Variants in FN1 observed in about 807,000 individuals in gnomAD.
FN1 encodes fibronectin.
A neutral mutation model predicts 297.3 loss-of-function variants in FN1; 106 were observed. The ratio of observed to expected loss-of-function variants is 0.36; its 90% CI spans 0.30 to 0.42. FN1 has a LOEUF of 0.42. FN1 is among the 10% of genes least tolerant of loss of function. The probability of loss-of-function intolerance (pLI) is 1.00; values close to 1 mark genes in which losing one functional copy is unlikely to be tolerated. For missense variants in FN1, 2,690 were observed against 3,124.9 expected, an observed-to-expected ratio of 0.86 and a Z score of 3.32; for synonymous variants, 1,149 against 1,152.6, an observed-to-expected ratio of 1.00 and a Z score of 0.06.
chr2:215,390,482 G>A lies in FN1; in HGVS notation c.4252+1150C>T, dbSNP rs1167927535. Among the ~76,000 whole-genome samples the A allele has an allele frequency of 4.6e-5, 7 of 152,164 alleles. No homozygotes were observed. In the East Asian group the frequency reaches 5.8e-4, roughly 13 times the overall value. On this transcript the variant is annotated intron_variant, in intron 26 of 45. Transcript: ENST00000354785. Reference sequence around the variant, plus strand: ...TTATACAGGCGAGAGCCACTGCACTGGTTTGCTTCATCTTTAAAAGAGGAT... The same window carrying A: ...TTATACAGGCGAGAGCCACTGCACTAGTTTGCTTCATCTTTAAAAGAGGAT...
Position 215,380,769 on chromosome 2 carries a change from CGCT to C in FN1, c.5434+39_5434+41del, listed in dbSNP as rs749472940. On this transcript the variant is annotated intron_variant, in intron 33 of 45. Transcript: ENST00000354785. ...TAATTCATTCAGTAGGGCATAAAGC[CGCT>C]GCTCCCATGGGCACCTGGTGGTGCA... 2.5e-6 allele frequency: 4 copies of C among 1,610,906 alleles called. No individual in the cohort carries two copies. The South Asian group carries it at 4.4e-5, about 18-fold the overall frequency.
At chr2:215,427,979 G>A (rs941598185) in intron 6 of FN1, among the ~76,000 whole-genome samples, 1 of 151,818 alleles carries the variant, frequency 6.6e-6, no homozygotes, top group African/African-American at 2.4e-5. Context: ...TTATTTGTAT[G>A]TCATTTTTCT....
chr2:215,435,879 G>T lies in FN1; in HGVS notation c.-77C>A. 7.5e-6 allele frequency: 11 copies of T among 1,464,770 alleles called. No homozygotes were observed. The highest frequency in any genetic ancestry group is 6.3e-6 in the Non-Finnish European group (7 of 1,107,978). The allele number at this position is 1,464,770 out of a possible 1,614,324, so 90.7% of individuals were successfully genotyped here. A position where few individuals can be genotyped will look rare whatever the true frequency, so the allele number is the denominator to read the frequency against. ...GTTTGCTTCCCTTCGCAACCTGCGG[G>T]AAAAATCCCTTCTAATGCCTCCCGG... is the stretch of plus-strand genomic sequence containing the variant. On this transcript the variant is annotated 5_prime_UTR_variant, in exon 1 of 46. Transcript: ENST00000354785.
At position 215,383,464 on chromosome 2, in the gene FN1, C is replaced by T. The variant is rs2058480356; in HGVS notation, c.4914G>A (p.Gln1638=). 1.5e-5 allele frequency: 24 copies of T among 1,613,998 alleles called. No homozygotes were observed. The highest frequency in any genetic ancestry group is 2.0e-5 in the Non-Finnish European group (24 of 1,180,014). The part of the protein sequence containing the change: ...NYRTEIDKPS[Q]MQVTDVQDNS... ...TGTCCTGAACATCGGTCACTTGCATCTGGGATGGTTTGTCAATTTCTACAA... is the reference window on the plus strand; with the variant it reads ...TGTCCTGAACATCGGTCACTTGCATTTGGGATGGTTTGTCAATTTCTACAA... Residue 1638 remains glutamine, a synonymous_variant, in exon 31 of 46, where the codon CAG becomes CAA. Coordinates refer to ENST00000354785, the MANE Select transcript of FN1 (RefSeq NM_212482.4).
At position 215,386,904 on chromosome 2, in the gene FN1, G is replaced by A; in HGVS notation, c.4397C>T (p.Thr1466Ile). Residue 1466 changes from threonine to isoleucine, a missense_variant, in exon 28 of 46, where the codon ACT (threonine) becomes ATT (isoleucine). Transcript: ENST00000354785. ...GGCTCGAGGAGCAATCCAGTGCACA[G>A]TAAAAGAGTTGGCAGTAATATCAGA... ...DFSDITANSF[T>I]VHWIAPRATI... 1 of 1,613,378 alleles carries A rather than the reference G, an allele frequency of 6.2e-7. No homozygotes were observed. Among genetic ancestry groups the A allele is most frequent in the African/African-American group, 1.3e-5 (1 of 74,954 alleles).
intron 19 of FN1, among the ~76,000 whole-genome samples, chr2:215,405,635 C>T (rs751895584): frequency 2.0e-5 from 3 of 152,014 alleles, no homozygotes; most frequent in African/African-American, 4.8e-5. Flanking sequence ...CCCAGCTACT[C>T]GGGAGGCTGA....
intron 6 of FN1, among the ~76,000 whole-genome samples, chr2:215,425,926 C>T (rs80004405): frequency 0.033 from 4,971 of 152,150 alleles, 279 homozygotes; most frequent in African/African-American, 0.11. Context: ...CAGCAGATAC[C>T]TTCAACACAT....
chr2:215,362,217 A>C (rs2053604816), intron 44 of FN1, 138 bp from the exon 45 acceptor site: 3 of 700,230 alleles, frequency 4.3e-6, no homozygotes, highest in Non-Finnish European at 2.6e-6. Flanking sequence ...GCAAGCTTTG[A>C]TGATGATTTC....
chr2:215,379,547 T>C (rs1015335675), intron 33 of FN1: 75 of 486,904 alleles, frequency 1.5e-4, no homozygotes, highest in African/African-American at 1.2e-3. Context: ...CTGAAAACAT[T>C]TGGGTAAATG....
Position 215,434,740 on chromosome 2 carries a change from C to G in FN1, c.233G>C (p.Cys78Ser), listed in dbSNP as rs2067161208. Residue 78 changes from cysteine to serine, a missense_variant, in exon 2 of 46, where the codon TGT (cysteine) becomes TCT (serine). Cys to Ser is a moderately radical substitution (Grantham distance 112, BLOSUM62 -1). Transcript: ENST00000354785. ...TYLGNALVCT[C>S]YGGSRGFNCE... ...GTTAAAACCTCGGCTTCCTCCATAA[C>G]AAGTACAAACCAACGCATTGCCTAG... The G allele has an allele frequency of 6.2e-7, 1 of 1,614,050 alleles. No individual in the cohort carries two copies. Among genetic ancestry groups the G allele is most frequent in the Non-Finnish European group, 8.5e-7 (1 of 1,180,028 alleles).
At chr2:215,419,607 A>T (rs1239101207) in intron 11 of FN1, among the ~76,000 whole-genome samples, 1 of 152,218 alleles carries the variant, frequency 6.6e-6, no homozygotes, top group African/African-American at 2.4e-5. Flanking sequence ...TTAGTTTTCT[A>T]AAAGGTAATA....
intron 20 of FN1, among the ~76,000 whole-genome samples, chr2:215,400,304 A>C (rs1018525243): frequency 2.0e-5 from 3 of 152,202 alleles, no homozygotes; most frequent in African/African-American, 7.2e-5. Flanking sequence ...CCATGGATGC[A>C]CTTTGAAGTC....
rs151236899 is a variant in FN1 at position 215,391,770 on chromosome 2, C to T, written c.4114G>A (p.Asp1372Asn). The T allele has an allele frequency of 5.9e-5, 96 of 1,614,128 alleles. No individual in the cohort carries two copies. The African/African-American group carries it at 1.1e-3, about 18-fold the overall frequency. ...TDLRFTNIGP[D>N]TMRVTWAPPP... ...GGAGCCCAGGTGACACGCATGGTGT[C>T]TGGACCAATGTTGGTGAATCGCAGG... is the stretch of plus-strand genomic sequence containing the variant. The change falls in exon 26 of 46, where the codon GAC (aspartate) becomes AAC (asparagine). Residue 1372 changes from aspartate (D) to asparagine (N), a missense_variant. This residue lies in a region of FN1 where 1,743 missense variants were observed against 1,945.2 expected (regional missense o/e 0.90). Coordinates refer to ENST00000354785, the MANE Select transcript of FN1 (RefSeq NM_212482.4).
At position 215,372,055 on chromosome 2, in the gene FN1, A is replaced by C; in HGVS notation, c.6568T>G (p.Tyr2190Asp). Residue 2190 changes from tyrosine to aspartate, a missense_variant, in exon 40 of 46, where the codon TAC (tyrosine) becomes GAC (aspartate). Tyr to Asp is a radical substitution (Grantham distance 160). This residue lies in a region of FN1 where 1,743 missense variants were observed against 1,945.2 expected (regional missense o/e 0.90). Coordinates refer to ENST00000354785, the MANE Select transcript of FN1 (RefSeq NM_212482.4). ...IPREDVDYHL[Y>D]PHGPGLNPNA... ...GGATTGAGTCCCGGACCGTGTGGGT[A>C]CAGGTGATAGTCTACATCTTCCCTG... 1 of 1,614,182 alleles carries C rather than the reference A, an allele frequency of 6.2e-7. No homozygotes were observed. Among genetic ancestry groups the C allele is most frequent in the East Asian group, 2.2e-5 (1 of 44,878 alleles).
At chr2:215,423,240 G>A in intron 9 of FN1, 110 bp downstream of exon 9, 1 of 1,098,012 alleles carries the variant, frequency 9.1e-7, no homozygotes, top group Non-Finnish European at 1.4e-6. Flanking sequence ...GTTTTCTGTT[G>A]TCTCAAAATT....
intron 44 of FN1, chr2:215,362,541 C>A (rs935197266): frequency 1.7e-5 from 3 of 178,922 alleles, no homozygotes; most frequent in African/African-American, 4.8e-5. Context: ...GGAAGTCACA[C>A]AGTGGACCAC....
intron 21 of FN1, among the ~76,000 whole-genome samples, chr2:215,398,301 A>C (rs771762020): frequency 9.2e-5 from 14 of 152,230 alleles, no homozygotes; most frequent in Non-Finnish European, 1.9e-4. Flanking sequence ...GCAAAAACAC[A>C]CCTTTTGAAG....
At chr2:215,406,886 A>G (rs1322482770) in intron 18 of FN1, among the ~76,000 whole-genome samples, 1 of 152,174 alleles carries the variant, frequency 6.6e-6, no homozygotes, top group Non-Finnish European at 1.5e-5. Flanking sequence ...AAATGAAATG[A>G]CCCTTAAGCT....
rs774403135 is a variant in FN1, at chr2:215,406,225, G to T, written c.2986+13C>A. On this transcript the variant is annotated intron_variant, in intron 19 of 45. Transcript: ENST00000354785. ...AGAATTTGGAGGGGAGATAGAGATA[G>T]GAGAAGACATACTGGTTGTCTGTTG... 4 of 1,613,504 alleles carry T rather than the reference G, an allele frequency of 2.5e-6. No homozygotes were observed. The East Asian group carries it at 8.9e-5, about 36-fold the overall frequency.
Sources: allele counts gnomAD v4.1 joint callset (sites outside exome capture counted in the v4.1 genomes callset), GRCh38; gene constraint gnomAD v4.1.1; regional missense constraint gnomAD v4.1.1; transcripts MANE v1.5; gene names NCBI Gene and HGNC (gene_info 2026-07-23, HGNC 2026-07-21).